Variants in CCSER1 observed in about 807,000 individuals in gnomAD.
CCSER1 encodes serine-rich coiled-coil domain-containing protein 1.
A neutral mutation model predicts 82.0 loss-of-function variants in CCSER1; 41 were observed. The observed-to-expected ratio is 0.50, with a 90% CI of 0.39 to 0.65. The LOEUF is 0.65. Ranked by LOEUF, CCSER1 falls within the 30% of genes least tolerant of loss-of-function variation. CCSER1 has a pLI of 0.00. For synonymous variants in CCSER1, 414 were observed against 383.9 expected, an observed-to-expected ratio of 1.08 and a Z score of -0.92; for missense variants, 1,119 against 1,064.2, an observed-to-expected ratio of 1.05 and a Z score of -0.72.
chr4:91,432,561 T>A (rs1754391632), intron 10 of CCSER1, among the ~76,000 whole-genome samples: 1 of 152,172 alleles, frequency 6.6e-6, no homozygotes, highest in Non-Finnish European at 1.5e-5. Flanking sequence ...GAATATGCTA[T>A]CAAACTTCCA....
intron 10 of CCSER1, among the ~76,000 whole-genome samples, chr4:91,207,682 G>A (rs561656667): frequency 2.3e-4 from 35 of 151,802 alleles, no homozygotes; most frequent in African/African-American, 8.0e-4. Flanking sequence ...ATAGTGCTGC[G>A]GTGAACATAC....
At chr4:91,064,435 A>G (rs1410466002) in intron 9 of CCSER1, among the ~76,000 whole-genome samples, 1 of 152,260 alleles carries the variant, frequency 6.6e-6, no homozygotes, top group African/African-American at 2.4e-5. Context: ...CACAGCATTC[A>G]GAAAACCCTT....
intron 6 of CCSER1, among the ~76,000 whole-genome samples, chr4:90,719,142 C>G (rs143985688): frequency 6.4e-4 from 97 of 152,244 alleles, no homozygotes; most frequent in African/African-American, 2.0e-3. Flanking sequence ...GTGCTTACAG[C>G]TGCTCCGCAT....
intron 1 of CCSER1, among the ~76,000 whole-genome samples, chr4:90,297,955 C>CT (rs979730843): frequency 2.6e-5 from 4 of 152,126 alleles, no homozygotes; most frequent in African/African-American, 9.6e-5. Flanking sequence ...CTAAAATTCT[C>CT]TTTTTTGGTT....
At chr4:91,408,280 G>A (rs890931588) in intron 10 of CCSER1, among the ~76,000 whole-genome samples, 2 of 152,104 alleles carry the variant, frequency 1.3e-5, no homozygotes, top group African/African-American at 4.8e-5. Context: ...ATATATCTCT[G>A]TCTATGGAAA....
rs569767512 is a variant in CCSER1 at position 91,159,947 on chromosome 4, T to C, written c.2217+73953T>C. 6.6e-5 allele frequency among the ~76,000 whole-genome samples: 10 copies of C among 152,090 alleles called. No individual in the cohort carries two copies. In the East Asian group the frequency reaches 1.9e-3, roughly 29 times the overall value. ...AGTTCTAGGGTACAAGTGCACAATG[T>C]GCAGGTTTGTTACCTAGGTATACAT... On this transcript the variant is annotated intron_variant, in intron 10 of 10. Transcript: ENST00000509176.
chr4:91,154,369 A>G (rs1216076634), intron 10 of CCSER1, among the ~76,000 whole-genome samples: 3 of 152,038 alleles, frequency 2.0e-5, no homozygotes, highest in African/African-American at 7.2e-5. Context: ...AAAGTGCAGT[A>G]TTACTGTGGG....
At chr4:90,155,109 A>G (rs1164362335) in intron 1 of CCSER1, among the ~76,000 whole-genome samples, 1 of 152,192 alleles carries the variant, frequency 6.6e-6, no homozygotes, top group Non-Finnish European at 1.5e-5. Context: ...AATTTTGTCA[A>G]AGGCCTTTTC....
At chr4:91,355,321 C>T (rs1457260381) in intron 10 of CCSER1, among the ~76,000 whole-genome samples, 2 of 151,998 alleles carry the variant, frequency 1.3e-5, no homozygotes, top group Non-Finnish European at 2.9e-5. Flanking sequence ...GGGGGCCCCT[C>T]TTTCTTCTGT....
In CCSER1 at chr4:91,119,161, G is replaced by A. The variant is rs58371102; in HGVS notation, c.2217+33167G>A. 4.3e-3 allele frequency among the ~76,000 whole-genome samples: 661 copies of A among 152,284 alleles called. 6 individuals carry two copies. The highest frequency in any genetic ancestry group is 0.015 in the African/African-American group (620 of 41,572). On this transcript the variant is annotated intron_variant, in intron 10 of 10. Transcript: ENST00000509176. Reference sequence around the variant, plus strand: ...CAGAGATGCATATGCTTACTGCTAAGTCATGGCAGAGATTTCAGGAAAACA... The same window carrying A: ...CAGAGATGCATATGCTTACTGCTAAATCATGGCAGAGATTTCAGGAAAACA...
At chr4:90,883,311 A>G (rs1188819052) in intron 8 of CCSER1, among the ~76,000 whole-genome samples, 1 of 152,188 alleles carries the variant, frequency 6.6e-6, no homozygotes, top group East Asian at 1.9e-4. Flanking sequence ...TTTATATGAA[A>G]TGGCCCACAA....
chr4:90,308,816 A>T lies in CCSER1; in HGVS notation c.532A>T (p.Arg178Trp). 6.2e-7 allele frequency: 1 copy of T among 1,613,830 alleles called. No individual in the cohort carries two copies. The highest frequency in any genetic ancestry group is 1.1e-5 in the South Asian group (1 of 91,066). ...QTRRSVKQST[R>W]KLLPKSFSSH... ...TCGTCGTTCTGTTAAGCAGTCAACAAGGAAGCTACTCCCTAAATCTTTTTC... is the reference window on the plus strand; with the variant it reads ...TCGTCGTTCTGTTAAGCAGTCAACATGGAAGCTACTCCCTAAATCTTTTTC... Residue 178 changes from arginine to tryptophan, a missense_variant, in exon 2 of 11, where the codon AGG (arginine) becomes TGG (tryptophan). Physicochemically the swap from Arg to Trp is moderately radical, Grantham distance 101. Transcript: ENST00000509176.
chr4:91,376,373 C>T (rs1750412904), intron 10 of CCSER1, among the ~76,000 whole-genome samples: 1 of 152,064 alleles, frequency 6.6e-6, no homozygotes, highest in Non-Finnish European at 1.5e-5. Context: ...ATAGTGTAGA[C>T]AACTGTAACA....
intron 8 of CCSER1, among the ~76,000 whole-genome samples, chr4:90,847,513 T>A (rs929878478): frequency 3.9e-5 from 6 of 152,216 alleles, no homozygotes; most frequent in African/African-American, 1.4e-4. Context: ...CAGTTTTTTT[T>A]ATTGAATTCT....
chr4:91,024,718 AAG>A (rs1277498728), intron 9 of CCSER1, among the ~76,000 whole-genome samples: 1 of 152,064 alleles, frequency 6.6e-6, no homozygotes, highest in Non-Finnish European at 1.5e-5. Context: ...TTTGTTCAAT[AAG>A]AGTTTTATCT....
intron 10 of CCSER1, among the ~76,000 whole-genome samples, chr4:91,441,104 T>C (rs190748472): frequency 6.6e-5 from 10 of 151,396 alleles, no homozygotes; most frequent in Non-Finnish European, 1.2e-4. Context: ...GAGGGAATCC[T>C]CCCTAACTCA....
chr4:90,200,974 A>G (rs1737584468), intron 1 of CCSER1, among the ~76,000 whole-genome samples: 1 of 152,130 alleles, frequency 6.6e-6, no homozygotes, highest in South Asian at 2.1e-4. Context: ...TTATGGTATC[A>G]TATATGCAGA....
intron 9 of CCSER1, among the ~76,000 whole-genome samples, chr4:91,026,001 G>T (rs1172018363): frequency 6.6e-6 from 1 of 152,118 alleles, no homozygotes; most frequent in South Asian, 2.1e-4. Context: ...GGCAGTTTCA[G>T]TGCACTGTGC....
intron 3 of CCSER1, among the ~76,000 whole-genome samples, chr4:90,393,910 C>T (rs1259943149): frequency 6.7e-6 from 1 of 149,818 alleles, no homozygotes; most frequent in Non-Finnish European, 1.5e-5. Context: ...CCCTGCGTAG[C>T]TGGACTGTAG....
Sources: gnomAD v4.1 joint callset for allele counts (sites outside exome capture counted in the v4.1 genomes callset) on GRCh38, gnomAD v4.1.1 for gene constraint, MANE v1.5 for transcripts, NCBI Gene and HGNC (gene_info 2026-07-23, HGNC 2026-07-21) for gene names.